INSYN2B: variants seen among roughly 807,000 people sequenced by gnomAD.
The protein encoded by INSYN2B is protein INSYN2B.
INSYN2B carries 16 observed loss-of-function variants against 41.2 expected under a neutral mutation model. The observed-to-expected ratio is 0.39, with a 90% confidence interval of 0.26 to 0.59. The LOEUF (loss-of-function observed/expected upper bound fraction) is 0.59, where lower values mean the gene tolerates loss of function less well. INSYN2B is among the 20% of genes least tolerant of loss of function. INSYN2B has a pLI of 0.57. For missense variants in INSYN2B, 608 were observed against 646.4 expected (o/e 0.94, Z 0.64); for synonymous variants, 245 against 244.4 (o/e 1.00, Z -0.02).
chr5:169,956,811 A>G (rs1776884340), intron 1 of INSYN2B, among the ~76,000 whole-genome samples: 1 of 152,202 alleles, frequency 6.6e-6, no homozygotes, highest in Non-Finnish European at 1.5e-5. Context: ...GCAGAAAAAT[A>G]AATTCATTTT....
intron 1 of INSYN2B, among the ~76,000 whole-genome samples, chr5:169,909,426 T>TA (rs964894393): frequency 2.6e-5 from 4 of 152,204 alleles, no homozygotes; most frequent in East Asian, 1.9e-4. Flanking sequence ...GCAATGAATT[T>TA]AAAAAAATCT....
At chr5:169,927,046 G>A (rs1299259042) in intron 1 of INSYN2B, among the ~76,000 whole-genome samples, 1 of 152,316 alleles carries the variant, frequency 6.6e-6, no homozygotes, top group South Asian at 2.1e-4. Flanking sequence ...GCTTCCCAGG[G>A]TGCCAGACCA....
chr5:169,897,959 C>T (rs1361037560), intron 1 of INSYN2B, among the ~76,000 whole-genome samples: 1 of 152,164 alleles, frequency 6.6e-6, no homozygotes, highest in African/African-American at 2.4e-5. Context: ...AATAAAGGAG[C>T]AGGCTAGCTA....
intron 1 of INSYN2B, among the ~76,000 whole-genome samples, chr5:169,939,533 A>G (rs1465245995): frequency 6.6e-6 from 1 of 152,154 alleles, no homozygotes; most frequent in African/African-American, 2.4e-5. Context: ...TATTATTGTC[A>G]ATTATGTGCT....
chr5:169,882,059 T>A (rs1336900004), intron 2 of INSYN2B, among the ~76,000 whole-genome samples: 1 of 152,190 alleles, frequency 6.6e-6, no homozygotes, highest in Non-Finnish European at 1.5e-5. Context: ...AATTAGTTGG[T>A]CATTGATGGG....
Position 169,883,866 on chromosome 5 carries a change from C to A in INSYN2B, c.33G>T (p.Val11=). MAQQNMKVRP[V]LLKRNSLESV... is the part of the protein sequence containing the mutation. Reference sequence around the variant, plus strand: ...ATTCTAGACTGTTACGCTTTAGAAGCACAGGTCTCACTTTCATATTTTGCT... The same window carrying A: ...ATTCTAGACTGTTACGCTTTAGAAGAACAGGTCTCACTTTCATATTTTGCT... Residue 11 remains valine (V), a synonymous_variant, in exon 2 of 4, where the codon GTG becomes GTT. Transcript: ENST00000377365. 6.6e-7 allele frequency: 1 copy of A among 1,521,098 alleles called. No homozygotes were observed. Among genetic ancestry groups the A allele is most frequent in the Non-Finnish European group, 8.8e-7 (1 of 1,130,824 alleles). 94.2% of individuals were successfully genotyped at this position (1,521,098 alleles called of 1,614,324 possible). A position where few individuals can be genotyped will look rare whatever the true frequency, so the allele number is the denominator to read the frequency against.
At chr5:169,971,478 A>G (rs1304268640) in intron 1 of INSYN2B, among the ~76,000 whole-genome samples, 1 of 151,562 alleles carries the variant, frequency 6.6e-6, no homozygotes, top group Non-Finnish European at 1.5e-5. Flanking sequence ...TGCTCTATCC[A>G]AAAGGGCTTT....
In INSYN2B at chr5:169,864,137, G is replaced by A. The variant is rs747714801; in HGVS notation, c.*136C>T. ...CAGCAGCGGCTACATCAGCTCCAAG[G>A]CTCTTCTGTTTCACAGGCCAAGGGG... On this transcript the variant is annotated 3_prime_UTR_variant, in exon 4 of 4. Transcript: ENST00000377365. 1.3e-6 allele frequency: 1 copy of A among 757,552 alleles called. No homozygotes were observed. The highest frequency in any genetic ancestry group is 2.6e-5 in the Admixed American group (1 of 38,486). The allele number at this position is 757,552 out of a possible 1,614,324, so 46.9% of individuals were successfully genotyped here. A position where few individuals can be genotyped will look rare whatever the true frequency, so the allele number is the denominator to read the frequency against.
At chr5:169,929,966 T>C (rs966327390) in intron 1 of INSYN2B, among the ~76,000 whole-genome samples, 9 of 152,130 alleles carry the variant, frequency 5.9e-5, no homozygotes, top group African/African-American at 2.2e-4. Flanking sequence ...GACTGAAGAA[T>C]AGAACTTTAT....
At chr5:169,885,411 C>A (rs1772916314) in intron 1 of INSYN2B, among the ~76,000 whole-genome samples, 1 of 152,156 alleles carries the variant, frequency 6.6e-6, no homozygotes, top group African/African-American at 2.4e-5. Context: ...AGAGCCTGGG[C>A]ATGAAGAGGA....
At chr5:169,867,376 G>A (rs1771634291) in intron 3 of INSYN2B, among the ~76,000 whole-genome samples, 1 of 152,180 alleles carries the variant, frequency 6.6e-6, no homozygotes, top group Admixed American at 6.5e-5. Context: ...GGCTATGGGA[G>A]TTATGAGCCA....
At chr5:169,925,416 C>T (rs1581425761) in intron 1 of INSYN2B, among the ~76,000 whole-genome samples, 1 of 151,926 alleles carries the variant, frequency 6.6e-6, no homozygotes, top group South Asian at 2.1e-4. Flanking sequence ...CCCATCTTTA[C>T]TAAAATTACA....
intron 1 of INSYN2B, among the ~76,000 whole-genome samples, chr5:169,973,178 A>G (rs895858215): frequency 1.2e-4 from 18 of 152,164 alleles, no homozygotes; most frequent in Admixed American, 6.5e-5. Flanking sequence ...TTCTGTGAAC[A>G]TATTTATCTG....
chr5:169,945,232 A>C (rs1368050420), intron 1 of INSYN2B, among the ~76,000 whole-genome samples: 1 of 152,250 alleles, frequency 6.6e-6, no homozygotes, highest in African/African-American at 2.4e-5. Flanking sequence ...CAACCTCTCC[A>C]GGACTGTGTT....
At chr5:169,873,085 G>A (rs1051671914) in intron 3 of INSYN2B, among the ~76,000 whole-genome samples, 10 of 152,110 alleles carry the variant, frequency 6.6e-5, no homozygotes, top group Non-Finnish European at 1.0e-4. Context: ...TATTCAACTC[G>A]TGTAATTTTA....
At chr5:169,979,758 C>T (rs767410414) in intron 1 of INSYN2B, among the ~76,000 whole-genome samples, 10 of 152,166 alleles carry the variant, frequency 6.6e-5, no homozygotes, top group Non-Finnish European at 8.8e-5. Context: ...GGTTTTTCTA[C>T]GTGGTAGTGA....
intron 1 of INSYN2B, among the ~76,000 whole-genome samples, chr5:169,961,989 A>AAAAAAAAAAAAAAAAAT (rs1777107594): frequency 2.7e-5 from 4 of 150,038 alleles, no homozygotes; most frequent in Admixed American, 2.6e-4. Flanking sequence ...AAAAAAAAAA[A>AAAAAAAAAAAAAAAAAT]AAAAAATGGA....
chr5:169,903,917 T>A (rs1220800206), intron 1 of INSYN2B, among the ~76,000 whole-genome samples: 1 of 151,840 alleles, frequency 6.6e-6, no homozygotes, highest in Non-Finnish European at 1.5e-5. Context: ...CTGGCCAACA[T>A]GGCGAAGCTC....
chr5:169,978,189 C>A (rs1356804499), intron 1 of INSYN2B, among the ~76,000 whole-genome samples: 1 of 152,064 alleles, frequency 6.6e-6, no homozygotes, highest in Non-Finnish European at 1.5e-5. Flanking sequence ...AGCAAGCTTC[C>A]GAAGTTGGCT....
Sources: gnomAD v4.1 joint callset for allele counts (sites outside exome capture counted in the v4.1 genomes callset) on GRCh38, gnomAD v4.1.1 for gene constraint, MANE v1.5 for transcripts, NCBI Gene and HGNC (gene_info 2026-07-23, HGNC 2026-07-21) for gene names.